Variants in STUM observed in about 807,000 individuals in gnomAD.
STUM encodes the protein protein stum homolog.
Under a neutral mutation model 15.3 loss-of-function variants are expected in STUM, and 8 were observed. That is an observed-to-expected ratio of 0.52 (90% CI 0.31 to 0.94). The LOEUF (loss-of-function observed/expected upper bound fraction) is 0.94, where lower values mean the gene tolerates loss of function less well. Ranked by LOEUF, STUM falls within the 40% of genes least tolerant of loss-of-function variation. The pLI is 0.05. For missense variants in STUM, 142 were observed against 204.9 expected, an observed-to-expected ratio of 0.69 and a Z score of 1.87; for synonymous variants, 78 against 88.7, an observed-to-expected ratio of 0.88 and a Z score of 0.68.
chr1:226,569,716 G>A (rs1375760639), intron 1 of STUM, among the ~76,000 whole-genome samples: 1 of 152,164 alleles, frequency 6.6e-6, no homozygotes, highest in Non-Finnish European at 1.5e-5. Flanking sequence ...TACCCCCAAA[G>A]CCTGGGATTG....
intron 1 of STUM, among the ~76,000 whole-genome samples, chr1:226,582,191 C>T (rs1667929251): frequency 6.6e-6 from 1 of 152,248 alleles, no homozygotes; most frequent in Non-Finnish European, 1.5e-5. Flanking sequence ...ATGTCAGTGC[C>T]ATCCTTCACC....
At chr1:226,564,841 C>T (rs959906940) in intron 1 of STUM, among the ~76,000 whole-genome samples, 2 of 152,196 alleles carry the variant, frequency 1.3e-5, no homozygotes, top group African/African-American at 4.8e-5. Flanking sequence ...AGCCTCAGCG[C>T]TTAGCCTGAT....
At chr1:226,585,613 G>A (rs1571808102) in intron 1 of STUM, among the ~76,000 whole-genome samples, 1 of 152,158 alleles carries the variant, frequency 6.6e-6, no homozygotes, top group Non-Finnish European at 1.5e-5. Context: ...TGTATTCACA[G>A]TGTTATCCTG....
intron 1 of STUM, among the ~76,000 whole-genome samples, chr1:226,558,108 T>A (rs1382907396): frequency 1.3e-5 from 2 of 152,132 alleles, no homozygotes; most frequent in African/African-American, 4.8e-5. Flanking sequence ...CCACTTCTAT[T>A]CAACATAATG....
intron 1 of STUM, among the ~76,000 whole-genome samples, chr1:226,584,024 G>C (rs1054257519): frequency 1.1e-4 from 17 of 152,034 alleles, no homozygotes; most frequent in African/African-American, 4.1e-4. Context: ...AAAAACCATT[G>C]TGTTATGCTC....
intron 1 of STUM, among the ~76,000 whole-genome samples, chr1:226,573,987 A>G (rs1188397812): frequency 6.6e-6 from 1 of 152,036 alleles, no homozygotes; most frequent in East Asian, 1.9e-4. Flanking sequence ...GGTGCACACC[A>G]CCATGTGCTG....
At chr1:226,597,065 G>A (rs1004177393) in intron 2 of STUM, 84 bp downstream of exon 2, 40 of 1,319,950 alleles carry the variant, frequency 3.0e-5, no homozygotes, top group African/African-American at 2.0e-4. Context: ...ATGTCTGGCC[G>A]AGGTCCTGCT....
intron 1 of STUM, among the ~76,000 whole-genome samples, chr1:226,560,139 A>AAAAC (rs929007005): frequency 6.6e-6 from 1 of 152,212 alleles, no homozygotes; most frequent in East Asian, 1.9e-4. Flanking sequence ...ACTCTGTCTC[A>AAAAC]AAACAAACAA....
chr1:226,584,051 G>A (rs522398), intron 1 of STUM, among the ~76,000 whole-genome samples: 111,027 of 152,050 alleles, frequency 0.73, 41,109 homozygotes, highest in African/African-American at 0.85. Context: ...TGTGGGTAGG[G>A]ATTTAGATAG....
chr1:226,560,969 T>C (rs660449), intron 1 of STUM, among the ~76,000 whole-genome samples: 136,721 of 152,118 alleles, frequency 0.9, 61,492 homozygotes, highest in African/African-American at 0.94. Flanking sequence ...TTGGGAGCAT[T>C]GTTGCTCCTG....
intron 1 of STUM, among the ~76,000 whole-genome samples, chr1:226,577,552 C>T (rs888576703): frequency 1.3e-5 from 2 of 152,078 alleles, no homozygotes; most frequent in African/African-American, 4.8e-5. Flanking sequence ...GACTCGTGCA[C>T]GCATGCACGC....
intron 3 of STUM, among the ~76,000 whole-genome samples, chr1:226,601,577 C>T (rs1668268343): frequency 6.6e-6 from 1 of 152,186 alleles, no homozygotes; most frequent in Non-Finnish European, 1.5e-5. Context: ...GGGATGGCTG[C>T]TCCCCTCTGT....
At chr1:226,579,646 C>CT (rs66789425) in intron 1 of STUM, among the ~76,000 whole-genome samples, 89,058 of 135,572 alleles carry the variant, frequency 0.66, 28,226 homozygotes, top group South Asian at 0.75. Flanking sequence ...TTTTCTTTTT[C>CT]TTTTGAGACA....
In STUM at chr1:226,589,649, G is replaced by A. The variant is rs186254387; in HGVS notation, c.203-7153G>A. Among the ~76,000 whole-genome samples, 356 of 152,260 alleles carry A rather than the reference G, an allele frequency of 2.3e-3. 4 individuals are homozygous for A. Among genetic ancestry groups the A allele is most frequent in the Non-Finnish European group, 2.1e-3 (141 of 68,016 alleles). On this transcript the variant is annotated intron_variant, in intron 1 of 3. Transcript: ENST00000366788. The stretch of plus-strand genomic sequence containing the variant: ...AGTCCCAGGTATCTTACAACACACT[G>A]ATTTTGGTGGTTGACAATACAGTTC...
intron 1 of STUM, among the ~76,000 whole-genome samples, chr1:226,572,429 C>T (rs564555227): frequency 6.6e-6 from 1 of 152,202 alleles, no homozygotes; most frequent in Admixed American, 6.5e-5. Context: ...CAGTGGAAAC[C>T]AGGAAACCCG....
chr1:226,585,073 T>G (rs1667975802), intron 1 of STUM, among the ~76,000 whole-genome samples: 1 of 152,210 alleles, frequency 6.6e-6, no homozygotes, highest in Admixed American at 6.5e-5. Context: ...GTCATCACAA[T>G]TATAATTTTT....
intron 1 of STUM, among the ~76,000 whole-genome samples, chr1:226,574,204 T>G (rs1355821303): frequency 2.0e-5 from 3 of 152,234 alleles, no homozygotes; most frequent in Non-Finnish European, 2.9e-5. Flanking sequence ...TCATCTTATG[T>G]AACTGCAACT....
At chr1:226,559,790 C>G (rs1037479902) in intron 1 of STUM, among the ~76,000 whole-genome samples, 1 of 152,082 alleles carries the variant, frequency 6.6e-6, no homozygotes, top group Non-Finnish European at 1.5e-5. Flanking sequence ...TGGCTAACAT[C>G]GTGAAACCCC....
intron 1 of STUM, among the ~76,000 whole-genome samples, chr1:226,590,438 C>A (rs1391081989): frequency 6.6e-6 from 1 of 152,166 alleles, no homozygotes; most frequent in Admixed American, 6.5e-5. Flanking sequence ...CGGTTCTCTC[C>A]TGTTTCTGGG....
Sources: allele counts gnomAD v4.1 joint callset (sites outside exome capture counted in the v4.1 genomes callset), GRCh38; gene constraint gnomAD v4.1.1; transcripts MANE v1.5; gene names NCBI Gene and HGNC (gene_info 2026-07-23, HGNC 2026-07-21).